ARMH3: variants seen among roughly 807,000 people sequenced by gnomAD.
ARMH3 encodes the protein armadillo like helical domain containing 3, also known as armadillo-like helical domain-containing protein 3.
A neutral mutation model predicts 99.1 loss-of-function variants in ARMH3; 60 were observed. The observed-to-expected ratio is 0.61, with a 90% CI of 0.49 to 0.75. The LOEUF is 0.75. ARMH3 is among the 30% of genes least tolerant of loss of function. ARMH3 has a pLI of 0.00. For synonymous variants in ARMH3, 285 were observed against 292.8 expected (o/e 0.97, Z 0.27); for missense variants, 679 against 843.1 (o/e 0.81, Z 2.41).
chr10:101,965,559 C>T (rs1845495511), intron 20 of ARMH3, among the ~76,000 whole-genome samples: 1 of 152,224 alleles, frequency 6.6e-6, no homozygotes, highest in Non-Finnish European at 1.5e-5. Flanking sequence ...CTCAGGGACT[C>T]TGGGTTTGAT....
intron 23 of ARMH3, among the ~76,000 whole-genome samples, chr10:101,892,420 C>A (rs949174872): frequency 2.6e-5 from 4 of 152,128 alleles, no homozygotes; most frequent in African/African-American, 9.7e-5. Context: ...GTTTGTGCTA[C>A]CACGCTCCAG....
At chr10:101,935,398 G>C (rs1296536373) in intron 23 of ARMH3, among the ~76,000 whole-genome samples, 1 of 152,038 alleles carries the variant, frequency 6.6e-6, no homozygotes, top group Admixed American at 6.6e-5. Context: ...ACTAAGCCAT[G>C]AAAGACAAGT....
At chr10:101,868,488 G>A (rs1400161682) in intron 24 of ARMH3, among the ~76,000 whole-genome samples, 1 of 152,062 alleles carries the variant, frequency 6.6e-6, no homozygotes, top group African/African-American at 2.4e-5. Flanking sequence ...TACCAAGTGT[G>A]CCTACTTCTC....
chr10:101,960,335 T>C (rs938937214), intron 20 of ARMH3, among the ~76,000 whole-genome samples: 1 of 152,238 alleles, frequency 6.6e-6, no homozygotes, highest in Non-Finnish European at 1.5e-5. Context: ...GCACTCACTA[T>C]ATCAACTGTT....
chr10:102,037,030 C>T (rs915696782), intron 2 of ARMH3, among the ~76,000 whole-genome samples: 3 of 151,346 alleles, frequency 2.0e-5, no homozygotes, highest in Non-Finnish European at 2.9e-5. Flanking sequence ...CCAGCTTGGG[C>T]GACAGAGCAA....
At chr10:102,025,664 T>C (rs559878526) in intron 5 of ARMH3, among the ~76,000 whole-genome samples, 1 of 151,640 alleles carries the variant, frequency 6.6e-6, no homozygotes, top group Non-Finnish European at 1.5e-5. Context: ...CTTTTCTTTT[T>C]GAGACAGAGT....
chr10:101,972,361 T>C (rs1286575273), intron 20 of ARMH3, among the ~76,000 whole-genome samples: 1 of 152,244 alleles, frequency 6.6e-6, no homozygotes, highest in Non-Finnish European at 1.5e-5. Context: ...TCAAGGGCTT[T>C]TGTGTGTCCA....
chr10:101,939,628 C>T (rs1234323604), intron 23 of ARMH3, among the ~76,000 whole-genome samples: 1 of 152,122 alleles, frequency 6.6e-6, no homozygotes, highest in Non-Finnish European at 1.5e-5. Context: ...GGCTTATAAC[C>T]ATCTCTCAGT....
chr10:101,975,048 G>GAAAAAAAAA (rs1845928421), intron 20 of ARMH3, among the ~76,000 whole-genome samples, 164 bp downstream of exon 20: 2 of 15,474 alleles, frequency 1.3e-4, no homozygotes, highest in East Asian at 1.5e-3. Context: ...AAGCTAAAAC[G>GAAAAAAAAA]TAAAAAAAAA....
At chr10:102,023,858 T>A (rs2066942214) in intron 6 of ARMH3, 109 bp from the exon 7 acceptor site, 3 of 1,037,218 alleles carry the variant, frequency 2.9e-6, no homozygotes, top group Non-Finnish European at 4.3e-6. Context: ...ATATTTCTAC[T>A]AGATAACTTA....
intron 24 of ARMH3, among the ~76,000 whole-genome samples, chr10:101,871,225 T>C (rs752662153): frequency 6.6e-6 from 1 of 152,246 alleles, no homozygotes; most frequent in Non-Finnish European, 1.5e-5. Flanking sequence ...TACTCCATTA[T>C]GGATATGAAA....
At chr10:102,005,729 T>A (rs2066469408) in intron 14 of ARMH3, among the ~76,000 whole-genome samples, 1 of 152,242 alleles carries the variant, frequency 6.6e-6, no homozygotes, top group South Asian at 2.1e-4. Context: ...ACTCAGCCTA[T>A]AATAGACCTC....
At position 102,047,343 on chromosome 10, in the gene ARMH3, T is replaced by C. The variant is rs546952891; in HGVS notation, c.-11-7218A>G. 2.0e-5 allele frequency among the ~76,000 whole-genome samples: 3 copies of C among 152,228 alleles called. No individual in the cohort carries two copies. In the East Asian group the frequency reaches 5.8e-4, roughly 29 times the overall value. On this transcript the variant is annotated intron_variant, in intron 1 of 25. Transcript: ENST00000370033. ...ACAGAAAAAAGAAATGGAAAACAAG[T>C]CAACTAAGAGTCTGTACAATCCTCA...
intron 23 of ARMH3, among the ~76,000 whole-genome samples, chr10:101,935,801 ACAG>A (rs1012566804): frequency 1.3e-5 from 2 of 152,232 alleles, no homozygotes; most frequent in African/African-American, 4.8e-5. Flanking sequence ...CCTTTTATAA[ACAG>A]CAGAAACAAA....
At chr10:101,972,559 G>A (rs1160350406) in intron 20 of ARMH3, among the ~76,000 whole-genome samples, 1 of 152,240 alleles carries the variant, frequency 6.6e-6, no homozygotes, top group East Asian at 1.9e-4. Flanking sequence ...ACGAGGGGTA[G>A]TGCCTGCTAA....
intron 14 of ARMH3, among the ~76,000 whole-genome samples, chr10:102,003,222 G>A (rs1211890126): frequency 6.6e-6 from 1 of 151,720 alleles, no homozygotes; most frequent in African/African-American, 2.4e-5. Context: ...GAGTGCAGTG[G>A]TGCCATCTCA....
At chr10:101,973,359 C>CAAAAAAAAAA (rs56712768) in intron 20 of ARMH3, among the ~76,000 whole-genome samples, 1 of 80,154 alleles carries the variant, frequency 1.2e-5, no homozygotes. Context: ...GACTCCGTCT[C>CAAAAAAAAAA]AAAAAAAAAA....
chr10:101,850,648 C>T (rs2066578333), intron 24 of ARMH3, among the ~76,000 whole-genome samples: 1 of 152,148 alleles, frequency 6.6e-6, no homozygotes, highest in African/African-American at 2.4e-5. Context: ...TGGTCTCTAA[C>T]TCCTGAACTC....
chr10:101,950,637 T>C (rs1000655677), intron 22 of ARMH3, among the ~76,000 whole-genome samples: 1 of 152,220 alleles, frequency 6.6e-6, no homozygotes, highest in African/African-American at 2.4e-5. Flanking sequence ...GAAGTACTGT[T>C]ACTTCATGGA....
Sources: allele counts gnomAD v4.1 joint callset (sites outside exome capture counted in the v4.1 genomes callset), GRCh38; gene constraint gnomAD v4.1.1; transcripts MANE v1.5; gene names NCBI Gene and HGNC (gene_info 2026-07-23, HGNC 2026-07-21).